The following ACAD11 variants were observed in gnomAD, a reference collection of about 807,000 sequenced individuals.
ACAD11 encodes the protein acyl-Coenzyme A dehydrogenase family, member 11.
Under a neutral mutation model 102.2 loss-of-function variants are expected in ACAD11, and 83 were observed. That is an observed-to-expected ratio of 0.81 (90% CI 0.68 to 0.97). The LOEUF (loss-of-function observed/expected upper bound fraction) is 0.97, where lower values mean the gene tolerates loss of function less well. Among genes scored for constraint, ACAD11 ranks in the 50% least tolerant of loss-of-function variants. The probability of loss-of-function intolerance (pLI) is 0.00; values close to 1 mark genes in which losing one functional copy is unlikely to be tolerated. For missense variants in ACAD11, 901 were observed against 951.7 expected (o/e 0.95, Z 0.70); for synonymous variants, 324 against 319.8 (o/e 1.01, Z -0.14).
chr3:132,626,619 A>T, intron 9 of ACAD11, 72 bp downstream of exon 9: 1 of 1,552,156 alleles, frequency 6.4e-7, no homozygotes, highest in South Asian at 1.1e-5. Flanking sequence ...TGCTTCTCCT[A>T]TAAGCAGAAA....
At chr3:132,623,200 T>C (rs1939671687) in intron 9 of ACAD11, among the ~76,000 whole-genome samples, 1 of 152,170 alleles carries the variant, frequency 6.6e-6, no homozygotes, top group African/African-American at 2.4e-5. Flanking sequence ...TATAGAAAAT[T>C]TGAAAATATC....
At chr3:132,632,743 T>C (rs1284880393) in intron 5 of ACAD11, among the ~76,000 whole-genome samples, 4 of 152,250 alleles carry the variant, frequency 2.6e-5, no homozygotes, top group South Asian at 2.1e-4. Context: ...TTGTGTCCTC[T>C]TTTATTTCAT....
chr3:132,641,227 T>C (rs1476611474), intron 4 of ACAD11, among the ~76,000 whole-genome samples: 1 of 152,086 alleles, frequency 6.6e-6, no homozygotes, highest in Non-Finnish European at 1.5e-5. Flanking sequence ...GCTTAATAAA[T>C]GTCTGCTAGT....
rs537701630 is a variant in ACAD11 at position 132,598,064 on chromosome 3, C to T, written c.1621+5165G>A. ...CAAAAAAAGTTAGCAAACATAAGAA[C>T]ATTTCTTTTGAAAATGTACTATAAG... On this transcript the variant is annotated intron_variant, in intron 13 of 19. Transcript: ENST00000264990. Among the ~76,000 whole-genome samples, 9 of 152,136 alleles carry T rather than the reference C, an allele frequency of 5.9e-5. No homozygotes were observed. In the South Asian group the frequency reaches 1.9e-3, roughly 32 times the overall value.
Position 132,603,267 on chromosome 3 carries a change from T to G in ACAD11, c.1583A>C (p.Asp528Ala). 6.2e-7 allele frequency: 1 copy of G among 1,614,144 alleles called. No homozygotes were observed. Among genetic ancestry groups the G allele is most frequent in the Non-Finnish European group, 8.5e-7 (1 of 1,179,962 alleles). Reference protein sequence around the residue: ...NIECSIQRDEDSYVINGKKWW... With the variant: ...NIECSIQRDEASYVINGKKWW... The stretch of plus-strand genomic sequence containing the variant: ...TTTTTTGCCGTTAATTACATAGCTA[T>G]CTTCATCTCGTTGGATGCTGCATTC... Residue 528 changes from aspartate to alanine, a missense_variant, in exon 13 of 20, where the codon GAT (aspartate) becomes GCT (alanine). Asp to Ala is a moderately radical substitution (Grantham distance 126, BLOSUM62 -2). Coordinates refer to ENST00000264990, the MANE Select transcript of ACAD11 (RefSeq NM_032169.5).
At chr3:132,623,459 G>C (rs1404804436) in intron 9 of ACAD11, among the ~76,000 whole-genome samples, 1 of 151,180 alleles carries the variant, frequency 6.6e-6, no homozygotes, top group Non-Finnish European at 1.5e-5. Flanking sequence ...GATTTGTATT[G>C]TTCACTATCA....
At chr3:132,657,357 T>C (rs1038681442) in intron 1 of ACAD11, among the ~76,000 whole-genome samples, 1 of 152,238 alleles carries the variant, frequency 6.6e-6, no homozygotes, top group Non-Finnish European at 1.5e-5. Flanking sequence ...GCTAATATCA[T>C]ACCATCTTAA....
At chr3:132,581,693 T>C (rs1303988375) in intron 13 of ACAD11, among the ~76,000 whole-genome samples, 1 of 151,964 alleles carries the variant, frequency 6.6e-6, no homozygotes, top group Non-Finnish European at 1.5e-5. Context: ...GTGGTCCAAA[T>C]ATAAAATAAT....
At chr3:132,575,592 T>C (rs957764605) in intron 17 of ACAD11, among the ~76,000 whole-genome samples, 180 bp downstream of exon 17, 3 of 152,196 alleles carry the variant, frequency 2.0e-5, no homozygotes, top group African/African-American at 4.8e-5. Flanking sequence ...AACTATTTAA[T>C]TTTTCATAAA....
intron 17 of ACAD11, among the ~76,000 whole-genome samples, chr3:132,564,467 T>C (rs1422818666): frequency 6.6e-6 from 1 of 152,254 alleles, no homozygotes; most frequent in African/African-American, 2.4e-5. Context: ...ATTCAGGTTA[T>C]CTACTTCATC....
intron 2 of ACAD11, 99 bp from the exon 3 acceptor site, chr3:132,642,901 CT>C: frequency 8.0e-7 from 1 of 1,253,658 alleles, no homozygotes. Flanking sequence ...TAGAAAACAA[CT>C]GTAAAACAGT....
intron 9 of ACAD11, among the ~76,000 whole-genome samples, chr3:132,623,390 G>A (rs931992662): frequency 6.6e-6 from 1 of 151,924 alleles, no homozygotes; most frequent in Non-Finnish European, 1.5e-5. Context: ...TTTTGAAAAA[G>A]CTATTTACTT....
chr3:132,639,695 C>T, intron 4 of ACAD11, 39 bp from the exon 5 acceptor site: 1 of 1,577,238 alleles, frequency 6.3e-7, no homozygotes, highest in Non-Finnish European at 8.6e-7. Flanking sequence ...AAAGCTGAAA[C>T]TGGAATGTAG....
chr3:132,641,599 AGAAGAGGAG>A (rs1398984478), intron 4 of ACAD11, among the ~76,000 whole-genome samples: 101 of 139,084 alleles, frequency 7.3e-4, no homozygotes, highest in African/African-American at 2.3e-3. Context: ...AAGAAGAAGA[AGAAGAGGAG>A]GAAGAAGAGG....
Position 132,560,968 on chromosome 3 carries a change from T to C in ACAD11, c.2118+133A>G, listed in dbSNP as rs1429454191. 9 of 676,264 alleles carry C rather than the reference T, an allele frequency of 1.3e-5. No individual in the cohort carries two copies. In the Admixed American group the frequency reaches 1.4e-4, roughly 11 times the overall value. The allele number at this position is 676,264 out of a possible 1,614,324, so 41.9% of individuals were successfully genotyped here. On this transcript the variant is annotated intron_variant, in intron 18 of 19. Coordinates refer to ENST00000264990, the MANE Select transcript of ACAD11 (RefSeq NM_032169.5). ...GCAAGTGACAGGCATTTATAATTTA[T>C]AACCCAAAATCACATGGGGGCTTCC...
At chr3:132,639,422 GGGAGCATTT>G in intron 5 of ACAD11, 61 bp downstream of exon 5, 3 of 1,459,220 alleles carry the variant, frequency 2.1e-6, no homozygotes, top group Non-Finnish European at 2.8e-6. Context: ...GTGCTCTGGG[GGGAGCATTT>G]ACTTAGTACT....
At chr3:132,576,826 C>T in intron 16 of ACAD11, 118 bp downstream of exon 16, 4 of 750,660 alleles carry the variant, frequency 5.3e-6, no homozygotes, top group East Asian at 2.7e-5. Context: ...TTTGCACGAA[C>T]CTAATATCTA....
chr3:132,569,378 G>A (rs1937312192), intron 17 of ACAD11, among the ~76,000 whole-genome samples: 1 of 152,080 alleles, frequency 6.6e-6, no homozygotes, highest in Admixed American at 6.6e-5. Flanking sequence ...CTCATACACA[G>A]TTAGTGAGAA....
At chr3:132,648,249 G>A (rs1940790126) in intron 1 of ACAD11, among the ~76,000 whole-genome samples, 1 of 152,062 alleles carries the variant, frequency 6.6e-6, no homozygotes, top group Admixed American at 6.5e-5. Flanking sequence ...TACTTAAACA[G>A]TTCATTTACA....
Sources: gnomAD v4.1 joint callset for allele counts (sites outside exome capture counted in the v4.1 genomes callset) on GRCh38, gnomAD v4.1.1 for gene constraint, MANE v1.5 for transcripts, NCBI Gene and HGNC (gene_info 2026-07-23, HGNC 2026-07-21) for gene names.